The following TARS3 variants were observed in gnomAD, a reference collection of about 807,000 sequenced individuals.
The protein encoded by TARS3 is threonine--tRNA ligase 2, cytoplasmic.
In TARS3, 94 loss-of-function variants were observed where a neutral mutation model predicts 103.5. The ratio of observed to expected loss-of-function variants is 0.91; its 90% CI spans 0.77 to 1.08. TARS3 has a LOEUF of 1.08. Ranked by LOEUF, TARS3 falls within the 50% of genes least tolerant of loss-of-function variation. TARS3 has a pLI of 0.00. For synonymous variants in TARS3, 416 were observed against 355.4 expected (o/e 1.17, Z -1.92); for missense variants, 952 against 995.2 (o/e 0.96, Z 0.58).
At chr15:101,722,803 A>G (rs1395505781) in intron 2 of TARS3, among the ~76,000 whole-genome samples, 2 of 152,052 alleles carry the variant, frequency 1.3e-5, no homozygotes, top group East Asian at 3.9e-4. Flanking sequence ...GGGCAACAAG[A>G]GCAAACCTCC....
chr15:101,686,597 A>C (rs1473560500), intron 10 of TARS3, among the ~76,000 whole-genome samples: 1 of 152,218 alleles, frequency 6.6e-6, no homozygotes, highest in Non-Finnish European at 1.5e-5. Flanking sequence ...AGACAGGAGA[A>C]GAGAGTTTTT....
intron 15 of TARS3, chr15:101,664,035 A>C (rs539942311): frequency 6.6e-6 from 1 of 152,120 alleles, no homozygotes; most frequent in Non-Finnish European, 1.5e-5. Flanking sequence ...CATGGTGATG[A>C]CCTTGATGCT....
intron 12 of TARS3, among the ~76,000 whole-genome samples, chr15:101,680,665 T>C (rs565931113): frequency 2.2e-4 from 34 of 152,356 alleles, no homozygotes; most frequent in African/African-American, 7.5e-4. Context: ...TGTTTTCTTA[T>C]TGAGGTTTGA....
chr15:101,661,606 CAT>C (rs1311439634), intron 16 of TARS3, 104 bp downstream of exon 16: 4 of 720,590 alleles, frequency 5.6e-6, no homozygotes, highest in Non-Finnish European at 8.6e-6. Flanking sequence ...TTCTTTTACA[CAT>C]GATTTTTTAA....
chr15:101,686,555 C>T (rs1208816925), intron 10 of TARS3, among the ~76,000 whole-genome samples: 1 of 151,308 alleles, frequency 6.6e-6, no homozygotes, highest in Non-Finnish European at 1.5e-5. Context: ...TCCCTCCCTA[C>T]CTATTAACAG....
chr15:101,656,008 G>A (rs746146151), intron 18 of TARS3: 13 of 1,289,200 alleles, frequency 1.0e-5, no homozygotes, highest in Non-Finnish European at 1.3e-5. Flanking sequence ...CCACACAGAA[G>A]GAAGAAACCG....
Position 101,654,224 on chromosome 15 carries a change from A to AT in TARS3, c.*357dup, listed in dbSNP as rs772253748. The AT allele has an allele frequency of 1.7e-5, 3 of 176,886 alleles. No homozygotes were observed. The highest frequency in any genetic ancestry group is 3.5e-5 in the Non-Finnish European group (3 of 85,660). 11.0% of individuals were successfully genotyped at this position (176,886 alleles called of 1,614,324 possible). ...ATTAGAAAATAAGATTTTCCCTCCT[A>AT]TTTAAAAAAAACTCTGCAGACTTTT... On this transcript the variant is annotated 3_prime_UTR_variant, in exon 19 of 19. Transcript: ENST00000335968.
chr15:101,668,577 A>G (rs1419325617), intron 15 of TARS3, among the ~76,000 whole-genome samples: 1 of 152,216 alleles, frequency 6.6e-6, no homozygotes, highest in Non-Finnish European at 1.5e-5. Flanking sequence ...TGCTGTTGGA[A>G]AAATGGCACT....
chr15:101,697,284 T>C (rs1361619280), intron 10 of TARS3, among the ~76,000 whole-genome samples: 1 of 152,104 alleles, frequency 6.6e-6, no homozygotes, highest in Non-Finnish European at 1.5e-5. Flanking sequence ...CTAAAACATG[T>C]AGCTTTGGGG....
At position 101,661,778 on chromosome 15, in the gene TARS3, T is replaced by G. The variant is rs373915281; in HGVS notation, c.2006A>C (p.His669Pro). The change falls in exon 16 of 19, where the codon CAT becomes CCT. Residue 669 changes from histidine (H) to proline (P), a missense_variant. Transcript: ENST00000335968. ...TTCCACTGATCCCAAAATGGCTCGA[T>G]GAATGATCACAGGTCTCTTCTTATC... The part of the protein sequence containing the change: ...GDDKKRPVII[H>P]RAILGSVERM... 3.1e-6 allele frequency: 5 copies of G among 1,607,958 alleles called. No homozygotes were observed. The highest frequency in any genetic ancestry group is 4.2e-6 in the Non-Finnish European group (5 of 1,176,846).
intron 3 of TARS3, among the ~76,000 whole-genome samples, chr15:101,720,153 T>A (rs991013017): frequency 6.6e-6 from 1 of 152,220 alleles, no homozygotes; most frequent in African/African-American, 2.4e-5. Flanking sequence ...TATAATAGGA[T>A]GAATCAGAAA....
chr15:101,710,734 G>A (rs983099149), intron 5 of TARS3, among the ~76,000 whole-genome samples: 9 of 152,188 alleles, frequency 5.9e-5, no homozygotes, highest in African/African-American at 9.7e-5. Context: ...ATTAAGCAGC[G>A]TGCAGGAGAA....
At chr15:101,688,763 C>A (rs1417079150) in intron 10 of TARS3, among the ~76,000 whole-genome samples, 1 of 152,098 alleles carries the variant, frequency 6.6e-6, no homozygotes, top group Non-Finnish European at 1.5e-5. Flanking sequence ...TGTTAATTGC[C>A]TCAGAAGACC....
chr15:101,685,917 G>C lies in TARS3; in HGVS notation c.1466C>G (p.Pro489Arg), dbSNP rs1266394344. ...TCACCAGTGCCCTGGACAATTCATG[G>C]GTTTGAGGGCAAAAGTGTCCTTTTC... ...EIEKDTFALK[P>R]MNCPGHCLMF... The change falls in exon 11 of 19, where the codon CCC becomes CGC. Residue 489 changes from proline to arginine, a missense_variant. Transcript: ENST00000335968. 6.2e-7 allele frequency: 1 copy of C among 1,613,838 alleles called. No homozygotes were observed.
At chr15:101,702,424 T>C (rs1248156403) in intron 8 of TARS3, 39 bp from the exon 9 acceptor site, 7 of 1,558,742 alleles carry the variant, frequency 4.5e-6, no homozygotes. Flanking sequence ...ATATCATACA[T>C]TCAGTTGTAA....
At chr15:101,696,365 T>G (rs1210052265) in intron 10 of TARS3, among the ~76,000 whole-genome samples, 6 of 152,168 alleles carry the variant, frequency 3.9e-5, no homozygotes, top group Admixed American at 3.3e-4. Context: ...CTGATGTTTT[T>G]AGTCTTTCTA....
chr15:101,686,338 A>G (rs1433664214), intron 10 of TARS3, among the ~76,000 whole-genome samples: 1 of 152,172 alleles, frequency 6.6e-6, no homozygotes, highest in Non-Finnish European at 1.5e-5. Context: ...TTGAAATACA[A>G]TATATATAGA....
chr15:101,670,167 C>T (rs942723455), intron 15 of TARS3, among the ~76,000 whole-genome samples: 1 of 152,122 alleles, frequency 6.6e-6, no homozygotes, highest in African/African-American at 2.4e-5. Flanking sequence ...AGAAATTAAA[C>T]TTTATTGTAT....
intron 6 of TARS3, among the ~76,000 whole-genome samples, chr15:101,706,337 T>C (rs1023893245): frequency 1.9e-4 from 29 of 152,190 alleles, no homozygotes; most frequent in Admixed American, 1.5e-3. Context: ...TAAAACACAC[T>C]GGACTTTGGA....
Sources: allele counts gnomAD v4.1 joint callset (sites outside exome capture counted in the v4.1 genomes callset), GRCh38; gene constraint gnomAD v4.1.1; transcripts MANE v1.5; gene names NCBI Gene and HGNC (gene_info 2026-07-23, HGNC 2026-07-21).